The following CGNL1 variants were observed in gnomAD, a reference collection of about 807,000 sequenced individuals.
The protein encoded by CGNL1 is cingulin like 1, also known as cingulin-like protein 1.
In CGNL1, 132 loss-of-function variants were observed where a neutral mutation model predicts 141.2. The observed-to-expected ratio is 0.93, with a 90% CI of 0.81 to 1.08. CGNL1 has a LOEUF of 1.08. CGNL1 is among the 50% of genes least tolerant of loss of function. The pLI, the probability that CGNL1 is intolerant of heterozygous loss-of-function variation, is 0.00. For missense variants in CGNL1, 1,870 were observed against 1,588.6 expected, an observed-to-expected ratio of 1.18 and a Z score of -3.01; for synonymous variants, 690 against 622.1, an observed-to-expected ratio of 1.11 and a Z score of -1.63.
At chr15:57,481,868 G>A (rs909379065) in intron 8 of CGNL1, among the ~76,000 whole-genome samples, 32 of 152,238 alleles carry the variant, frequency 2.1e-4, no homozygotes, top group African/African-American at 7.0e-4. Context: ...GCACCATTTT[G>A]CATTCCCAAC....
chr15:57,394,527 G>A (rs566822458), intron 1 of CGNL1, among the ~76,000 whole-genome samples: 1 of 152,302 alleles, frequency 6.6e-6, no homozygotes, highest in African/African-American at 2.4e-5. Flanking sequence ...AGTAAATGGT[G>A]GGGGTAGGTT....
chr15:57,450,183 G>C (rs2063304818), intron 4 of CGNL1, among the ~76,000 whole-genome samples: 1 of 152,184 alleles, frequency 6.6e-6, no homozygotes, highest in Admixed American at 6.5e-5. Flanking sequence ...AGCAAAGAAT[G>C]AGTTTCTGTT....
rs138758755 is a variant in CGNL1, at chr15:57,425,656, G to A, written c.-15-12329G>A. ...CTTGGGAGGCTGAGGTGGGAGAATC[G>A]CTTGAACCTGGGAGATAGAGATTGC... On this transcript the variant is annotated intron_variant, in intron 1 of 18. Transcript: ENST00000281282. 3.3e-5 allele frequency among the ~76,000 whole-genome samples: 5 copies of A among 150,528 alleles called. No homozygotes were observed. The East Asian group carries it at 5.9e-4, about 18-fold the overall frequency.
chr15:57,384,571 A>G (rs531591367), intron 1 of CGNL1, among the ~76,000 whole-genome samples: 2 of 152,154 alleles, frequency 1.3e-5, no homozygotes, highest in Non-Finnish European at 1.5e-5. Context: ...TCACCCACGT[A>G]TTTCTTCAAC....
chr15:57,545,796 T>C lies in CGNL1; in HGVS notation c.3609+96T>C, dbSNP rs1407480018. The C allele has an allele frequency of 4.9e-6, 5 of 1,013,192 alleles. No homozygotes were observed. The African/African-American group carries it at 6.4e-5, about 13-fold the overall frequency. 62.8% of individuals were successfully genotyped at this position (1,013,192 alleles called of 1,614,324 possible). The stretch of plus-strand genomic sequence containing the variant: ...AAGGCCTCCCTGAGCAGGAGTGGAG[T>C]GTGAGTGGGCTGATTCCTCCCTTTC... On this transcript the variant is annotated intron_variant, in intron 17 of 18. Coordinates refer to ENST00000281282, the MANE Select transcript of CGNL1 (RefSeq NM_032866.5).
chr15:57,436,096 A>G (rs2063102170), intron 1 of CGNL1, among the ~76,000 whole-genome samples: 1 of 152,214 alleles, frequency 6.6e-6, no homozygotes, highest in Admixed American at 6.5e-5. Context: ...AACCCCAAAG[A>G]GAAACTATCT....
intron 8 of CGNL1, among the ~76,000 whole-genome samples, chr15:57,507,758 A>G (rs1279148636): frequency 6.6e-6 from 1 of 152,230 alleles, no homozygotes. Context: ...ATTTGAAAAT[A>G]AAATGTAAAC....
In CGNL1 at chr15:57,516,814, C is replaced by T. The variant is rs2030840173; in HGVS notation, c.2438C>T (p.Ser813Leu). 6.2e-7 allele frequency: 1 copy of T among 1,614,074 alleles called. No individual in the cohort carries two copies. Among genetic ancestry groups the T allele is most frequent in the Non-Finnish European group, 8.5e-7 (1 of 1,180,046 alleles). Residue 813 changes from serine to leucine, a missense_variant, in exon 9 of 19, where the codon TCA becomes TTA. Physicochemically the swap from Ser to Leu is moderately radical, Grantham distance 145. Coordinates refer to ENST00000281282, the MANE Select transcript of CGNL1 (RefSeq NM_032866.5). The stretch of plus-strand genomic sequence containing the variant: ...GTCTTGGCGAGCAGGAGCAACACTT[C>T]AGAGCAAGACCAGGCGGGGACTGAA... ...VEVLASRSNT[S>L]EQDQAGTEMR...
chr15:57,549,288 T>TA lies in CGNL1; in HGVS notation c.*1798_*1799insA, dbSNP rs2033011179. 1 of 152,360 alleles carries TA rather than the reference T, an allele frequency of 6.6e-6. No homozygotes were observed. The highest frequency in any genetic ancestry group is 2.4e-5 in the African/African-American group (1 of 41,428). The allele number at this position is 152,360 out of a possible 1,614,324, so 9.4% of individuals were successfully genotyped here. ...TGGTCAGGGAGAGGACCCTGTGAGTTGGTGACATATATGTGGCAGAGATGG... is the reference window on the plus strand; with the variant it reads ...TGGTCAGGGAGAGGACCCTGTGAGTTAGGTGACATATATGTGGCAGAGATGG... On this transcript the variant is annotated 3_prime_UTR_variant, in exon 19 of 19. Coordinates refer to ENST00000281282, the MANE Select transcript of CGNL1 (RefSeq NM_032866.5).
At chr15:57,424,407 C>G (rs1242607580) in intron 1 of CGNL1, among the ~76,000 whole-genome samples, 1 of 152,296 alleles carries the variant, frequency 6.6e-6, no homozygotes, top group East Asian at 1.9e-4. Context: ...CTTATTCATC[C>G]TCACTCTCCC....
intron 1 of CGNL1, among the ~76,000 whole-genome samples, chr15:57,394,510 C>A (rs4774260): frequency 0.93 from 142,272 of 152,234 alleles, 66,792 homozygotes; most frequent in East Asian, 1. Flanking sequence ...CCCAAGGTGA[C>A]ATAACTAGTA....
At position 57,528,823 on chromosome 15, in the gene CGNL1, G is replaced by C. The variant is rs773063247; in HGVS notation, c.3201+8G>C. 1.2e-6 allele frequency: 2 copies of C among 1,612,946 alleles called. No homozygotes were observed. Among genetic ancestry groups the C allele is most frequent in the Non-Finnish European group, 1.7e-6 (2 of 1,179,720 alleles). On this transcript the variant is annotated splice_region_variant and intron_variant, in intron 13 of 18. Coordinates refer to ENST00000281282, the MANE Select transcript of CGNL1 (RefSeq NM_032866.5). ...CTGGTCAAGCAGATGGAGGTCTGTG[G>C]GCCGTACAGTGTGAGCTGGGGGACC...
At chr15:57,538,277 A>G (rs1332291806) in intron 14 of CGNL1, among the ~76,000 whole-genome samples, 1 of 152,242 alleles carries the variant, frequency 6.6e-6, no homozygotes, top group Non-Finnish European at 1.5e-5. Flanking sequence ...GAACAAAAGG[A>G]AGCCTATTAT....
chr15:57,410,409 C>A (rs1359977412), intron 1 of CGNL1, among the ~76,000 whole-genome samples: 1 of 152,184 alleles, frequency 6.6e-6, no homozygotes, highest in Non-Finnish European at 1.5e-5. Flanking sequence ...GTATTTCCTA[C>A]CCTTGGCCTT....
chr15:57,472,929 A>C (rs2063601194), intron 8 of CGNL1, among the ~76,000 whole-genome samples: 1 of 152,156 alleles, frequency 6.6e-6, no homozygotes, highest in African/African-American at 2.4e-5. Flanking sequence ...GAAGCAGAGA[A>C]AGTAACGTAG....
intron 14 of CGNL1, among the ~76,000 whole-genome samples, chr15:57,535,032 C>T (rs1474800226): frequency 6.6e-6 from 1 of 152,180 alleles, no homozygotes; most frequent in Non-Finnish European, 1.5e-5. Flanking sequence ...GAATGGCCAA[C>T]CCCTCTCATA....
chr15:57,485,994 C>T (rs1230877177), intron 8 of CGNL1, among the ~76,000 whole-genome samples: 1 of 152,152 alleles, frequency 6.6e-6, no homozygotes, highest in African/African-American at 2.4e-5. Flanking sequence ...GTCAGCAAAC[C>T]AGTCAAGGGC....
chr15:57,403,683 A>C (rs1027112075), intron 1 of CGNL1, among the ~76,000 whole-genome samples: 2 of 152,260 alleles, frequency 1.3e-5, no homozygotes, highest in Non-Finnish European at 2.9e-5. Context: ...ACTCTTTGAA[A>C]GGCAACATCT....
At chr15:57,442,999 T>A (rs139776252) in intron 4 of CGNL1, among the ~76,000 whole-genome samples, 32 of 152,268 alleles carry the variant, frequency 2.1e-4, no homozygotes, top group African/African-American at 7.7e-4. Flanking sequence ...TACAAACAGA[T>A]GGCGAGATTT....
Sources: gnomAD v4.1 joint callset for allele counts (sites outside exome capture counted in the v4.1 genomes callset) on GRCh38, gnomAD v4.1.1 for gene constraint, MANE v1.5 for transcripts, NCBI Gene and HGNC (gene_info 2026-07-23, HGNC 2026-07-21) for gene names.